Variants in THRB observed in about 807,000 individuals in gnomAD.
THRB encodes the protein thyroid hormone receptor beta.
In THRB, 12 loss-of-function variants were observed where a neutral mutation model predicts 47.8. The ratio of observed to expected loss-of-function variants is 0.25; its 90% CI spans 0.16 to 0.41. The LOEUF is 0.41. Ranked by LOEUF, THRB falls within the 10% of genes least tolerant of loss-of-function variation. The pLI, the probability that THRB is intolerant of heterozygous loss-of-function variation, is 1.00. For synonymous variants in THRB, 218 were observed against 212.2 expected (o/e 1.03, Z -0.24); for missense variants, 348 against 589.2 (o/e 0.59, Z 4.24).
intron 1 of THRB, among the ~76,000 whole-genome samples, chr3:24,447,494 T>C (rs536111568): frequency 6.6e-6 from 1 of 152,296 alleles, no homozygotes; most frequent in African/African-American, 2.4e-5. Context: ...TTTCATCGTG[T>C]CCTGTTAATA....
At chr3:24,210,886 A>T (rs1438947725) in intron 4 of THRB, among the ~76,000 whole-genome samples, 1 of 152,182 alleles carries the variant, frequency 6.6e-6, no homozygotes, top group Non-Finnish European at 1.5e-5. Flanking sequence ...TAATGTGGAC[A>T]TTTGTTTTTG....
At chr3:24,232,750 G>A (rs10510541) in intron 3 of THRB, among the ~76,000 whole-genome samples, 1 of 152,156 alleles carries the variant, frequency 6.6e-6, no homozygotes, top group Non-Finnish European at 1.5e-5. Context: ...AGAGAAAAAG[G>A]TGCTGGAACT....
intron 1 of THRB, among the ~76,000 whole-genome samples, chr3:24,349,281 T>A (rs1349966571): frequency 1.3e-5 from 2 of 152,066 alleles, no homozygotes; most frequent in African/African-American, 4.8e-5. Flanking sequence ...AATTAGTATA[T>A]AGATTCAATA....
chr3:24,222,731 G>C (rs752079532), intron 4 of THRB, among the ~76,000 whole-genome samples: 3 of 152,156 alleles, frequency 2.0e-5, no homozygotes, highest in Non-Finnish European at 4.4e-5. Flanking sequence ...CATGCAGAGG[G>C]AGGAGCAAAA....
chr3:24,375,200 G>A (rs2065179856), intron 1 of THRB, among the ~76,000 whole-genome samples: 1 of 151,370 alleles, frequency 6.6e-6, no homozygotes, highest in Non-Finnish European at 1.5e-5. Flanking sequence ...ATGTTTTAAA[G>A]CAGCATACAC....
At chr3:24,424,084 C>T (rs1476001563) in intron 1 of THRB, among the ~76,000 whole-genome samples, 1 of 151,796 alleles carries the variant, frequency 6.6e-6, no homozygotes, top group Non-Finnish European at 1.5e-5. Flanking sequence ...TTTTTAATTT[C>T]TGAAATAAAT....
At chr3:24,283,202 A>G (rs1417393808) in intron 3 of THRB, among the ~76,000 whole-genome samples, 7 of 152,168 alleles carry the variant, frequency 4.6e-5, no homozygotes, top group East Asian at 1.9e-4. Context: ...CTGGCAAACC[A>G]AATCCAGCAG....
At chr3:24,140,281 T>C (rs757056804) in intron 8 of THRB, among the ~76,000 whole-genome samples, 4 of 152,242 alleles carry the variant, frequency 2.6e-5, no homozygotes, top group Non-Finnish European at 4.4e-5. Context: ...AGTTCTGTTC[T>C]GGTTATTTAT....
intron 1 of THRB, among the ~76,000 whole-genome samples, chr3:24,476,629 G>A (rs1166289958): frequency 6.6e-6 from 1 of 152,082 alleles, no homozygotes; most frequent in Non-Finnish European, 1.5e-5. Flanking sequence ...ATAACCTGGC[G>A]AATTTCTTTT....
At chr3:24,280,171 G>A (rs2054403867) in intron 3 of THRB, among the ~76,000 whole-genome samples, 2 of 152,164 alleles carry the variant, frequency 1.3e-5, no homozygotes, top group East Asian at 1.9e-4. Context: ...GCAGAAGATG[G>A]GTGATTTCTG....
chr3:24,377,536 T>A (rs2065384114), intron 1 of THRB, among the ~76,000 whole-genome samples: 1 of 152,142 alleles, frequency 6.6e-6, no homozygotes, highest in South Asian at 2.1e-4. Flanking sequence ...ATTTGTGCCC[T>A]TGGATTTAGC....
chr3:24,205,563 C>T (rs1206084570), intron 4 of THRB, among the ~76,000 whole-genome samples: 1 of 152,180 alleles, frequency 6.6e-6, no homozygotes, highest in African/African-American at 2.4e-5. Context: ...ATTGTAAAGA[C>T]CATCGATGCT....
At chr3:24,281,533 G>A (rs529939738) in intron 3 of THRB, among the ~76,000 whole-genome samples, 2 of 148,490 alleles carry the variant, frequency 1.3e-5, no homozygotes, top group East Asian at 4.0e-4. Context: ...CAACTAACGA[G>A]CAAAATCACC....
intron 2 of THRB, among the ~76,000 whole-genome samples, chr3:24,331,542 G>A (rs1453781297): frequency 6.6e-6 from 1 of 152,078 alleles, no homozygotes; most frequent in Non-Finnish European, 1.5e-5. Flanking sequence ...GGATACCAAA[G>A]TGTGAAATCA....
chr3:24,363,072 G>A (rs2064190229), intron 1 of THRB, among the ~76,000 whole-genome samples: 1 of 152,094 alleles, frequency 6.6e-6, no homozygotes, highest in Non-Finnish European at 1.5e-5. Context: ...TTTTAGAGCA[G>A]TTGATACCAT....
intron 1 of THRB, among the ~76,000 whole-genome samples, chr3:24,384,622 A>C (rs539730233): frequency 6.6e-6 from 1 of 152,278 alleles, no homozygotes; most frequent in Admixed American, 6.5e-5. Context: ...CATTAGTTTA[A>C]TTAGAATGTG....
intron 3 of THRB, among the ~76,000 whole-genome samples, chr3:24,294,330 C>G (rs2056252235): frequency 2.0e-5 from 3 of 152,136 alleles, no homozygotes; most frequent in Non-Finnish European, 1.5e-5. Context: ...GAGCCCAGCC[C>G]AGACTGAAGA....
intron 1 of THRB, among the ~76,000 whole-genome samples, chr3:24,419,131 C>T (rs968192260): frequency 4.0e-5 from 6 of 151,844 alleles, no homozygotes; most frequent in African/African-American, 1.4e-4. Context: ...CATAGGGCAT[C>T]GAGATAAAAA....
chr3:24,223,906 T>C (rs948411607), intron 4 of THRB, among the ~76,000 whole-genome samples: 1 of 151,956 alleles, frequency 6.6e-6, no homozygotes, highest in African/African-American at 2.4e-5. Flanking sequence ...GGGGGGTATA[T>C]AGTCAAATTT....
Sources: gnomAD v4.1 joint callset for allele counts (sites outside exome capture counted in the v4.1 genomes callset) on GRCh38, gnomAD v4.1.1 for gene constraint, MANE v1.5 for transcripts, NCBI Gene and HGNC (gene_info 2026-07-23, HGNC 2026-07-21) for gene names.